LRRC28: variants seen among roughly 807,000 people sequenced by gnomAD.
LRRC28 encodes leucine-rich repeat-containing protein 28.
LRRC28 carries 39 observed loss-of-function variants against 45.7 expected under a neutral mutation model. The observed-to-expected ratio is 0.85, with a 90% CI of 0.66 to 1.12. LRRC28 has a LOEUF of 1.12. LRRC28 is among the 50% of genes most tolerant of loss of function. The pLI is 0.00. For missense variants in LRRC28, 435 were observed against 438.5 expected (o/e 0.99, Z 0.07); for synonymous variants, 206 against 178.8 (o/e 1.15, Z -1.22).
chr15:99,352,286 C>T (rs1029420403), intron 6 of LRRC28, 83 bp from the exon 7 acceptor site: 25 of 924,894 alleles, frequency 2.7e-5, no homozygotes, highest in Non-Finnish European at 4.1e-5. Context: ...TCGAATATTT[C>T]TAATACTATG....
intron 3 of LRRC28, among the ~76,000 whole-genome samples, chr15:99,284,038 A>G (rs2081887612): frequency 6.6e-6 from 1 of 152,252 alleles, no homozygotes; most frequent in African/African-American, 2.4e-5. Flanking sequence ...AGTCCCTGCA[A>G]CATCACAGAT....
At chr15:99,374,653 A>G (rs1957573832) in intron 9 of LRRC28, among the ~76,000 whole-genome samples, 1 of 151,056 alleles carries the variant, frequency 6.6e-6, no homozygotes, top group Non-Finnish European at 1.5e-5. Flanking sequence ...GGTTGTGAAA[A>G]TAGACATCCT....
chr15:99,315,877 C>G (rs1233948282), intron 5 of LRRC28, among the ~76,000 whole-genome samples: 1 of 152,138 alleles, frequency 6.6e-6, no homozygotes, highest in Non-Finnish European at 1.5e-5. Context: ...CCAGCTAGGG[C>G]AGCAGAGCAA....
Position 99,269,176 on chromosome 15 carries a change from G to A in LRRC28, c.169-7400G>A, listed in dbSNP as rs2081408143. On this transcript the variant is annotated intron_variant, in intron 2 of 9. Transcript: ENST00000301981. ...TTTGCCAGAAAACATTTGTAGATTT[G>A]AAGATACTTAAAATATTTTCATTTA... Among the ~76,000 whole-genome samples, 3 of 152,088 alleles carry A rather than the reference G, an allele frequency of 2.0e-5. 1 individual carries two copies. Among genetic ancestry groups the A allele is most frequent in the Non-Finnish European group, 4.4e-5 (3 of 68,008 alleles).
chr15:99,333,836 T>C, intron 5 of LRRC28, 87 bp from the exon 6 acceptor site: 1 of 1,353,890 alleles, frequency 7.4e-7, no homozygotes, highest in Admixed American at 1.9e-5. Context: ...ACTGATTTCA[T>C]TTGGTTAAAC....
intron 2 of LRRC28, chr15:99,258,824 A>T (rs2081105196): frequency 1.4e-6 from 1 of 698,752 alleles, no homozygotes. Flanking sequence ...ATATGGATCT[A>T]AAAAGAGCGA....
At chr15:99,313,197 T>C (rs1282259912) in intron 5 of LRRC28, among the ~76,000 whole-genome samples, 1 of 152,158 alleles carries the variant, frequency 6.6e-6, no homozygotes. Context: ...AAGGACAATT[T>C]ATAATGATAA....
intron 6 of LRRC28, among the ~76,000 whole-genome samples, chr15:99,343,640 T>A (rs145234897): frequency 6.2e-4 from 95 of 152,292 alleles, no homozygotes; most frequent in Non-Finnish European, 1.1e-3. Context: ...CGTTATAGAT[T>A]TTACATACTG....
chr15:99,320,850 AT>A (rs1246511426), intron 5 of LRRC28: 1 of 152,188 alleles, frequency 6.6e-6, no homozygotes, highest in Non-Finnish European at 1.5e-5. Flanking sequence ...ATAAAGTCAG[AT>A]CATTGTTAAT....
At chr15:99,276,360 C>G (rs1214096945) in intron 2 of LRRC28, among the ~76,000 whole-genome samples, 1 of 152,104 alleles carries the variant, frequency 6.6e-6, no homozygotes, top group African/African-American at 2.4e-5. Context: ...TTGGGGACCG[C>G]TGCTCTAAGG....
chr15:99,313,116 A>T (rs1955473497), intron 5 of LRRC28, among the ~76,000 whole-genome samples: 1 of 152,198 alleles, frequency 6.6e-6, no homozygotes, highest in African/African-American at 2.4e-5. Flanking sequence ...GCAAACAGGA[A>T]ATAATAGCTG....
rs1420957311 is a variant in LRRC28, at chr15:99,390,094, G to A, written c.*3992G>A. On this transcript the variant is annotated 3_prime_UTR_variant, in exon 10 of 10. Transcript: ENST00000301981. Reference sequence around the variant, plus strand: ...GATCACGCCATTACACTCCAGCCTGGGCAACAGAGCGAGACTCCGTCTCAA... The same window carrying A: ...GATCACGCCATTACACTCCAGCCTGAGCAACAGAGCGAGACTCCGTCTCAA... 6.6e-6 allele frequency: 1 copy of A among 152,390 alleles called. No individual in the cohort carries two copies. Among genetic ancestry groups the A allele is most frequent in the Non-Finnish European group, 1.5e-5 (1 of 68,214 alleles). The allele number at this position is 152,390 out of a possible 1,614,324, so 9.4% of individuals were successfully genotyped here.
At chr15:99,262,423 A>G (rs1466602620) in intron 2 of LRRC28, among the ~76,000 whole-genome samples, 2 of 152,020 alleles carry the variant, frequency 1.3e-5, no homozygotes, top group Admixed American at 6.6e-5. Context: ...CTCTACCAAA[A>G]ATACAAAAAT....
rs532197319 is a variant in LRRC28 at position 99,386,290 on chromosome 15, T to A, written c.*188T>A. The A allele has an allele frequency of 7.1e-5, 38 of 534,770 alleles. No individual in the cohort carries two copies. The highest frequency in any genetic ancestry group is 6.0e-4 in the African/African-American group (32 of 52,950). The allele number at this position is 534,770 out of a possible 1,614,324, so 33.1% of individuals were successfully genotyped here. ...AAGTTGGAATATATCCTCCCCCAAA[T>A]TAAGGACCCATTTGTCTTCTGTGTT... On this transcript the variant is annotated 3_prime_UTR_variant, in exon 10 of 10. Transcript: ENST00000301981.
chr15:99,333,686 T>TC, intron 5 of LRRC28: 1 of 548,630 alleles, frequency 1.8e-6, no homozygotes, highest in Non-Finnish European at 3.2e-6. Flanking sequence ...TCTCTTTTTT[T>TC]CTCCATGCTA....
At chr15:99,300,456 A>C (rs1007887988) in intron 5 of LRRC28, among the ~76,000 whole-genome samples, 2 of 152,006 alleles carry the variant, frequency 1.3e-5, no homozygotes, top group African/African-American at 4.8e-5. Context: ...AATACTTATA[A>C]TTTTTTTGTT....
chr15:99,347,365 T>C (rs528010431), intron 6 of LRRC28, among the ~76,000 whole-genome samples: 14 of 152,288 alleles, frequency 9.2e-5, no homozygotes, highest in South Asian at 2.1e-4. Flanking sequence ...GCCCGCACCA[T>C]GCCTGGCTAA....
intron 5 of LRRC28, among the ~76,000 whole-genome samples, chr15:99,297,651 A>T (rs1249813312): frequency 6.6e-6 from 1 of 151,238 alleles, no homozygotes; most frequent in Non-Finnish European, 1.5e-5. Flanking sequence ...GTAACTTTAT[A>T]GTATAATTAA....
chr15:99,388,142 G>A lies in LRRC28; in HGVS notation c.*2040G>A, dbSNP rs1958083686. On this transcript the variant is annotated 3_prime_UTR_variant, in exon 10 of 10. Transcript: ENST00000301981. ...TTGAAGTTTAACATAACCTCTACAT[G>A]TATATAAGTTAGCTGGTGAAAATGT... The A allele has an allele frequency of 6.6e-6, 1 of 152,240 alleles. No individual in the cohort carries two copies. Among genetic ancestry groups the A allele is most frequent in the African/African-American group, 2.4e-5 (1 of 41,470 alleles). 9.4% of individuals were successfully genotyped at this position (152,240 alleles called of 1,614,324 possible).
Sources: allele counts gnomAD v4.1 joint callset (sites outside exome capture counted in the v4.1 genomes callset), GRCh38; gene constraint gnomAD v4.1.1; transcripts MANE v1.5; gene names NCBI Gene and HGNC (gene_info 2026-07-23, HGNC 2026-07-21).